The following OCA2 variants were observed in gnomAD, a reference collection of about 807,000 sequenced individuals.
The protein encoded by OCA2 is OCA2 melanosomal transmembrane protein.
Under a neutral mutation model 100.2 loss-of-function variants are expected in OCA2, and 77 were observed. The observed-to-expected ratio is 0.77, with a 90% CI of 0.64 to 0.93. The LOEUF (loss-of-function observed/expected upper bound fraction) is 0.93. OCA2 is among the 40% of genes least tolerant of loss of function. The pLI is 0.00. For synonymous variants in OCA2, 432 were observed against 439.2 expected, an observed-to-expected ratio of 0.98 and a Z score of 0.21; for missense variants, 1,062 against 1,089.1, an observed-to-expected ratio of 0.98 and a Z score of 0.35.
At chr15:27,940,557 TG>T (rs1386037250) in intron 18 of OCA2, among the ~76,000 whole-genome samples, 1 of 151,970 alleles carries the variant, frequency 6.6e-6, no homozygotes, top group Non-Finnish European at 1.5e-5. Flanking sequence ...GCACTAAAGA[TG>T]TCACCAAGAA....
chr15:28,071,377 C>T (rs576739774), intron 2 of OCA2, among the ~76,000 whole-genome samples: 2 of 152,158 alleles, frequency 1.3e-5, no homozygotes, highest in Non-Finnish European at 2.9e-5. Context: ...CTATTCCTAT[C>T]AAACTACCAA....
intron 19 of OCA2, among the ~76,000 whole-genome samples, chr15:27,907,069 C>T (rs533214211): frequency 6.6e-6 from 1 of 152,284 alleles, no homozygotes; most frequent in East Asian, 1.9e-4. Context: ...ACCCAAACAC[C>T]TCCCATCAGG....
At chr15:27,888,949 A>G (rs2037344187) in intron 19 of OCA2, among the ~76,000 whole-genome samples, 1 of 152,142 alleles carries the variant, frequency 6.6e-6, no homozygotes, top group East Asian at 1.9e-4. Flanking sequence ...AAGCAGTTTG[A>G]TATAGACATC....
At chr15:28,015,043 C>T in intron 8 of OCA2, 114 bp from the exon 9 acceptor site, 1 of 1,107,582 alleles carries the variant, frequency 9.0e-7, no homozygotes, top group Non-Finnish European at 1.3e-6. Flanking sequence ...GCCCAACGCC[C>T]AATCTCACAG....
chr15:28,009,442 C>CT (rs979979014), intron 9 of OCA2, among the ~76,000 whole-genome samples: 25 of 152,294 alleles, frequency 1.6e-4, no homozygotes, highest in African/African-American at 5.5e-4. Flanking sequence ...AATCCCAGCA[C>CT]TTTGGGAGAC....
intron 11 of OCA2, among the ~76,000 whole-genome samples, chr15:27,987,727 C>CA (rs768774777): frequency 2.9e-4 from 43 of 147,044 alleles, no homozygotes; most frequent in Middle Eastern, 3.4e-3. Context: ...GACTCTGTCT[C>CA]AAAAAAAAAA....
intron 19 of OCA2, among the ~76,000 whole-genome samples, chr15:27,925,352 T>C (rs1382193185): frequency 1.3e-5 from 2 of 152,128 alleles, no homozygotes; most frequent in Non-Finnish European, 2.9e-5. Context: ...TTAATAAAAT[T>C]AAAAGGACTG....
intron 9 of OCA2, among the ~76,000 whole-genome samples, chr15:28,004,960 T>C (rs2042046917): frequency 6.6e-6 from 1 of 152,114 alleles, no homozygotes; most frequent in African/African-American, 2.4e-5. Flanking sequence ...AGGAAGCCCC[T>C]CCACCCCTTG....
intron 2 of OCA2, among the ~76,000 whole-genome samples, chr15:28,040,633 T>C (rs1401545916): frequency 6.6e-6 from 1 of 151,978 alleles, no homozygotes; most frequent in Non-Finnish European, 1.5e-5. Context: ...ATTATTAAAA[T>C]CAGAAATGGA....
Position 27,772,700 on chromosome 15 carries a change from G to C in OCA2, c.2433-17228C>G, listed in dbSNP as rs573819769. On this transcript the variant is annotated intron_variant, in intron 23 of 23. Coordinates refer to ENST00000354638, the MANE Select transcript of OCA2 (RefSeq NM_000275.3). ...TACTAAAAATACAAAAATTAGCTGGGTGTGGTGGCAGGCGCCTGTAGTCCC... is the reference window on the plus strand; with the variant it reads ...TACTAAAAATACAAAAATTAGCTGGCTGTGGTGGCAGGCGCCTGTAGTCCC... 2.6e-5 allele frequency among the ~76,000 whole-genome samples: 4 copies of C among 152,222 alleles called. No individual in the cohort carries two copies. In the East Asian group the frequency reaches 5.8e-4, roughly 22 times the overall value.
chr15:28,053,115 T>C (rs1401704609), intron 2 of OCA2, among the ~76,000 whole-genome samples: 1 of 152,220 alleles, frequency 6.6e-6, no homozygotes, highest in Non-Finnish European at 1.5e-5. Context: ...TGATATAGCC[T>C]CAGTTGCGTG....
chr15:27,836,996 C>T (rs974103509), intron 23 of OCA2, among the ~76,000 whole-genome samples: 1 of 152,180 alleles, frequency 6.6e-6, no homozygotes, highest in Non-Finnish European at 1.5e-5. Flanking sequence ...CTTAATGTGT[C>T]TCTATGTTTA....
intron 23 of OCA2, among the ~76,000 whole-genome samples, chr15:27,822,444 C>T (rs1207468488): frequency 6.6e-6 from 1 of 152,124 alleles, no homozygotes. Flanking sequence ...TGGGGCTCGC[C>T]TAAGAGTGAG....
At chr15:27,979,575 A>C (rs2041078411) in intron 14 of OCA2, among the ~76,000 whole-genome samples, 1 of 152,110 alleles carries the variant, frequency 6.6e-6, no homozygotes, top group Non-Finnish European at 1.5e-5. Flanking sequence ...TGTTGGCATT[A>C]GCTGTTACTC....
chr15:28,018,679 G>T, intron 6 of OCA2, 122 bp from the exon 7 acceptor site: 1 of 903,158 alleles, frequency 1.1e-6, no homozygotes, highest in Non-Finnish European at 1.8e-6. Context: ...GGTGCCCCAC[G>T]CCCTTGGCCA....
intron 13 of OCA2, 113 bp downstream of exon 13, chr15:27,984,951 C>A: frequency 7.8e-7 from 1 of 1,284,622 alleles, no homozygotes; most frequent in Non-Finnish European, 1.1e-6. Flanking sequence ...TGGGCTCAAC[C>A]GCCCCCACCT....
intron 18 of OCA2, among the ~76,000 whole-genome samples, chr15:27,947,782 G>C (rs2140560471): frequency 6.6e-6 from 1 of 152,246 alleles, no homozygotes; most frequent in African/African-American, 2.4e-5. Flanking sequence ...TTGCAGGATG[G>C]AGCCCCAGTG....
chr15:27,984,333 C>G (rs2041270860), intron 13 of OCA2, among the ~76,000 whole-genome samples: 2 of 152,036 alleles, frequency 1.3e-5, no homozygotes, highest in South Asian at 4.1e-4. Context: ...CCCCAGGGGA[C>G]CCAGTATGCA....
chr15:28,088,042 G>A (rs72625134), intron 1 of OCA2, among the ~76,000 whole-genome samples: 21,992 of 151,736 alleles, frequency 0.14, 2,757 homozygotes, highest in East Asian at 0.71. Flanking sequence ...AGCCTGGGCA[G>A]CGAAAGCGAA....
Sources: gnomAD v4.1 joint callset for allele counts (sites outside exome capture counted in the v4.1 genomes callset) on GRCh38, gnomAD v4.1.1 for gene constraint, MANE v1.5 for transcripts, NCBI Gene and HGNC (gene_info 2026-07-23, HGNC 2026-07-21) for gene names.